The following WWTR1 variants were observed in gnomAD, a reference collection of about 807,000 sequenced individuals.
WWTR1 encodes the protein WW domain containing transcription regulator 1.
WWTR1 carries 13 observed loss-of-function variants against 40.1 expected under a neutral mutation model. The ratio of observed to expected loss-of-function variants is 0.32; its 90% CI spans 0.21 to 0.52. The LOEUF (loss-of-function observed/expected upper bound fraction) is 0.52. WWTR1 is among the 20% of genes least tolerant of loss of function. The pLI, the probability that WWTR1 is intolerant of heterozygous loss-of-function variation, is 0.97. For synonymous variants in WWTR1, 230 were observed against 210.1 expected, an observed-to-expected ratio of 1.09 and a Z score of -0.82; for missense variants, 436 against 523.1, an observed-to-expected ratio of 0.83 and a Z score of 1.63.
At chr3:149,721,765 TGTTGCCCAGGCTG>T (rs1431958507) in intron 4 of WWTR1, among the ~76,000 whole-genome samples, 1 of 152,190 alleles carries the variant, frequency 6.6e-6, no homozygotes, top group Non-Finnish European at 1.5e-5. Context: ...GGGTTTCTTA[TGTTGCCCAGGCTG>T]GTCTTGAACT....
intron 5 of WWTR1, among the ~76,000 whole-genome samples, chr3:149,715,682 G>A (rs1230940753): frequency 6.6e-6 from 1 of 152,210 alleles, no homozygotes; most frequent in Non-Finnish European, 1.5e-5. Context: ...GGCCAGAAAA[G>A]CGACATCCCA....
chr3:149,601,535 C>T (rs1007339748), intron 2 of WWTR1, among the ~76,000 whole-genome samples: 17 of 152,096 alleles, frequency 1.1e-4, no homozygotes, highest in African/African-American at 4.1e-4. Context: ...CCCAAAAATG[C>T]CCAGGCATGA....
intron 2 of WWTR1, among the ~76,000 whole-genome samples, chr3:149,597,623 AAAAAT>A (rs1379042164): frequency 1.3e-5 from 2 of 152,124 alleles, no homozygotes; most frequent in Non-Finnish European, 2.9e-5. Flanking sequence ...TGTCTCAAAA[AAAAAT>A]AAAATAAAGT....
At chr3:149,656,532 A>G (rs949506532) in intron 2 of WWTR1, among the ~76,000 whole-genome samples, 3 of 152,070 alleles carry the variant, frequency 2.0e-5, no homozygotes, top group Admixed American at 6.5e-5. Flanking sequence ...GCTCTGGACT[A>G]TCTGACTTAG....
intron 6 of WWTR1, among the ~76,000 whole-genome samples, 170 bp from the exon 7 acceptor site, chr3:149,521,159 T>C (rs1009136773): frequency 6.6e-6 from 1 of 152,160 alleles, no homozygotes; most frequent in Non-Finnish European, 1.5e-5. Flanking sequence ...TATTTCTGGA[T>C]AGGTGTGGTC....
intron 5 of WWTR1, among the ~76,000 whole-genome samples, chr3:149,715,467 C>A (rs979118458): frequency 6.6e-6 from 1 of 152,266 alleles, no homozygotes; most frequent in African/African-American, 2.4e-5. Context: ...CCCCTGGCAG[C>A]AGCCGGCGTA....
upstream of WWTR1, among the ~76,000 whole-genome samples, chr3:149,707,736 T>G (rs1056650602): frequency 6.6e-5 from 10 of 152,076 alleles, no homozygotes; most frequent in African/African-American, 2.4e-4. Flanking sequence ...CAGTCACCCT[T>G]TCAGGAGGCA....
chr3:149,637,697 A>G (rs543888343), intron 2 of WWTR1, among the ~76,000 whole-genome samples: 1 of 152,332 alleles, frequency 6.6e-6, no homozygotes, highest in South Asian at 2.1e-4. Flanking sequence ...TCTGATGGAC[A>G]GTAGAAAAGA....
intron 2 of WWTR1, among the ~76,000 whole-genome samples, chr3:149,651,992 A>ATTTTTTTTTTTTTTT (rs368845286): frequency 2.4e-3 from 225 of 93,702 alleles, no homozygotes; most frequent in Middle Eastern, 7.1e-3. Flanking sequence ...CGCCCGGCTA[A>ATTTTTTTTTTTTTTT]TTTTTTTTTT....
intron 1 of WWTR1, among the ~76,000 whole-genome samples, chr3:149,672,831 TG>T (rs1486802835): frequency 6.6e-6 from 1 of 151,144 alleles, no homozygotes; most frequent in Non-Finnish European, 1.5e-5. Flanking sequence ...TCACCCAAAC[TG>T]GAGTACAGTG....
At chr3:149,720,421 T>G (rs1247948203) in intron 4 of WWTR1, among the ~76,000 whole-genome samples, 1 of 152,176 alleles carries the variant, frequency 6.6e-6, no homozygotes, top group African/African-American at 2.4e-5. Context: ...CAAAAATCAT[T>G]TGACCATATA....
At chr3:149,630,804 G>A (rs575279231) in intron 2 of WWTR1, among the ~76,000 whole-genome samples, 123 of 152,280 alleles carry the variant, frequency 8.1e-4, no homozygotes, top group South Asian at 3.7e-3. Flanking sequence ...CAGGAATGAC[G>A]TCCATTCTTA....
At chr3:149,641,496 G>A (rs1712168179) in intron 2 of WWTR1, among the ~76,000 whole-genome samples, 1 of 152,202 alleles carries the variant, frequency 6.6e-6, no homozygotes, top group Non-Finnish European at 1.5e-5. Flanking sequence ...GGAAATTTGA[G>A]TCCTTTAATG....
At chr3:149,601,667 C>A (rs1739248220) in intron 2 of WWTR1, among the ~76,000 whole-genome samples, 1 of 152,040 alleles carries the variant, frequency 6.6e-6, no homozygotes, top group East Asian at 1.9e-4. Flanking sequence ...CATGTAAAGT[C>A]CTTGTAAACA....
intron 1 of WWTR1, chr3:149,702,846 T>C (rs1715238177): frequency 6.6e-6 from 1 of 152,212 alleles, no homozygotes; most frequent in African/African-American, 2.4e-5. Flanking sequence ...TGATTCTGTT[T>C]TGTTGTGAGA....
chr3:149,652,081 GATCCGCCCGCCTCGGCCTCCCA>G (rs1394548195), intron 2 of WWTR1, among the ~76,000 whole-genome samples: 1 of 144,094 alleles, frequency 6.9e-6, no homozygotes, highest in Non-Finnish European at 1.5e-5. Context: ...CTGACCTCGT[GATCCGCCCGCCTCGGCCTCCCA>G]AAGTGCTGGG....
intron 3 of WWTR1, among the ~76,000 whole-genome samples, chr3:149,546,737 T>C (rs1394130112): frequency 6.6e-6 from 1 of 152,156 alleles, no homozygotes; most frequent in Non-Finnish European, 1.5e-5. Context: ...CTCAATATTT[T>C]GTTGGTAGAG....
intron 2 of WWTR1, among the ~76,000 whole-genome samples, chr3:149,648,111 A>G (rs551154704): frequency 1.3e-5 from 2 of 152,198 alleles, no homozygotes; most frequent in East Asian, 3.9e-4. Context: ...ATTTATGTCT[A>G]AGCACCTTTA....
rs796540823 is a variant in WWTR1, at chr3:149,710,579, C to G, written n.584+6863G>C. 8.1e-5 allele frequency among the ~76,000 whole-genome samples: 7 copies of G among 86,620 alleles called. 1 individual carries two copies. In the East Asian group the frequency reaches 1.4e-3, roughly 18 times the overall value. The allele number at this position is 86,620 out of a possible 152,430, so 56.8% of individuals were successfully genotyped here. A position where few individuals can be genotyped will look rare whatever the true frequency, so the allele number is the denominator to read the frequency against. On this transcript the variant is annotated intron_variant and non_coding_transcript_variant, in intron 5 of 6. Coordinates refer to the WWTR1 transcript ENST00000474080. ...TATCATTATCCCCGCCTCCCCCCCC[C>G]CCCTTTTTTTTTTTTTTTGAGATTG...
Sources: allele counts gnomAD v4.1 joint callset (sites outside exome capture counted in the v4.1 genomes callset), GRCh38; gene constraint gnomAD v4.1.1; transcripts MANE v1.5; gene names NCBI Gene and HGNC (gene_info 2026-07-23, HGNC 2026-07-21).